Variants in TRDN observed in about 807,000 individuals in gnomAD.
The protein encoded by TRDN is triadin in skeletal muscle.
Under a neutral mutation model 149.7 loss-of-function variants are expected in TRDN, and 161 were observed. The observed-to-expected ratio is 1.08, with a 90% confidence interval of 0.95 to 1.23. The LOEUF (loss-of-function observed/expected upper bound fraction) is 1.23. TRDN is among the 50% of genes most tolerant of loss of function. The pLI is 0.00. For missense variants in TRDN, 896 were observed against 823.5 expected, an observed-to-expected ratio of 1.09 and a Z score of -1.08; for synonymous variants, 294 against 250.5, an observed-to-expected ratio of 1.17 and a Z score of -1.64.
intron 24 of TRDN, among the ~76,000 whole-genome samples, chr6:123,292,509 G>T (rs72974603): frequency 4.6e-5 from 7 of 152,228 alleles, no homozygotes; most frequent in Non-Finnish European, 8.8e-5. Flanking sequence ...GGTTCAAAAG[G>T]CTTTCCACTA....
intron 2 of TRDN, among the ~76,000 whole-genome samples, chr6:123,560,311 A>C (rs1781916579): frequency 6.6e-6 from 1 of 152,056 alleles, no homozygotes; most frequent in Non-Finnish European, 1.5e-5. Context: ...TCACTCTTAC[A>C]AAGGGGCTAC....
chr6:123,491,840 G>A (rs573528681), intron 9 of TRDN, among the ~76,000 whole-genome samples: 2 of 152,232 alleles, frequency 1.3e-5, no homozygotes, highest in South Asian at 2.1e-4. Context: ...CCTTGGAGCA[G>A]GATTTTTTTC....
At chr6:123,424,517 T>C (rs1430897725) in intron 12 of TRDN, among the ~76,000 whole-genome samples, 1 of 152,148 alleles carries the variant, frequency 6.6e-6, no homozygotes, top group Non-Finnish European at 1.5e-5. Flanking sequence ...AAATATTTCA[T>C]ACGCTAATTG....
chr6:123,231,438 T>C (rs1046715025), intron 38 of TRDN, among the ~76,000 whole-genome samples: 13 of 151,992 alleles, frequency 8.6e-5, no homozygotes, highest in Non-Finnish European at 4.4e-5. Flanking sequence ...CAAAGAATTG[T>C]TCAGGAAAAG....
chr6:123,396,521 G>GT (rs1338693056), intron 12 of TRDN, among the ~76,000 whole-genome samples: 6 of 152,160 alleles, frequency 3.9e-5, no homozygotes, highest in Non-Finnish European at 8.8e-5. Flanking sequence ...TTGATAAATA[G>GT]TATTTTGGAC....
intron 18 of TRDN, among the ~76,000 whole-genome samples, chr6:123,376,761 G>A (rs1248705123): frequency 2.0e-5 from 3 of 152,112 alleles, no homozygotes; most frequent in East Asian, 1.9e-4. Flanking sequence ...GTGGTAGGGT[G>A]AGACTACAGT....
At chr6:123,563,953 A>T (rs988071081) in intron 2 of TRDN, among the ~76,000 whole-genome samples, 13 of 152,224 alleles carry the variant, frequency 8.5e-5, no homozygotes, top group African/African-American at 2.9e-4. Flanking sequence ...AAACAACAAT[A>T]AAAACAATAT....
At chr6:123,360,720 G>GGAGAGAGAGA (rs71541228) in intron 20 of TRDN, among the ~76,000 whole-genome samples, 12 of 143,090 alleles carry the variant, frequency 8.4e-5, no homozygotes, top group African/African-American at 3.4e-4. Flanking sequence ...AGAGAGAGAC[G>GGAGAGAGAGA]GAGAGAGAGA....
At chr6:123,338,005 A>G (rs1175607129) in intron 21 of TRDN, among the ~76,000 whole-genome samples, 1 of 152,064 alleles carries the variant, frequency 6.6e-6, no homozygotes, top group Non-Finnish European at 1.5e-5. Context: ...ATTCTCTACC[A>G]TTTTCTCATT....
chr6:123,323,653 C>G (rs1429938916), intron 23 of TRDN, among the ~76,000 whole-genome samples: 1 of 152,196 alleles, frequency 6.6e-6, no homozygotes, highest in Non-Finnish European at 1.5e-5. Flanking sequence ...AAAAACTTTG[C>G]TGAGTGGACA....
chr6:123,570,490 C>G (rs1306636428), intron 2 of TRDN, among the ~76,000 whole-genome samples: 1 of 152,174 alleles, frequency 6.6e-6, no homozygotes, highest in Non-Finnish European at 1.5e-5. Flanking sequence ...GACCAGATGA[C>G]AGCAGGGCTT....
At chr6:123,578,166 G>T (rs1583275576) in intron 1 of TRDN, among the ~76,000 whole-genome samples, 1 of 152,102 alleles carries the variant, frequency 6.6e-6, no homozygotes, top group Non-Finnish European at 1.5e-5. Context: ...TTTTACCTTT[G>T]TTGCTATTGC....
At chr6:123,437,861 A>T (rs528938498) in intron 12 of TRDN, among the ~76,000 whole-genome samples, 52 of 152,238 alleles carry the variant, frequency 3.4e-4, no homozygotes, top group African/African-American at 1.1e-3. Context: ...ACTCAATTCC[A>T]GTCTCTCTGT....
At chr6:123,478,931 G>C (rs1777621572) in intron 9 of TRDN, among the ~76,000 whole-genome samples, 1 of 151,994 alleles carries the variant, frequency 6.6e-6, no homozygotes, top group South Asian at 2.1e-4. Flanking sequence ...TTATTTACAA[G>C]TTTGTTTGTT....
chr6:123,418,658 A>G (rs985125563), intron 12 of TRDN: 2 of 151,746 alleles, frequency 1.3e-5, no homozygotes, highest in Non-Finnish European at 2.9e-5. Flanking sequence ...TTTGCAAGGT[A>G]CTCTTTCCTC....
intron 7 of TRDN, among the ~76,000 whole-genome samples, chr6:123,509,042 AC>A (rs138281774): frequency 1.8e-3 from 272 of 152,252 alleles, no homozygotes; most frequent in African/African-American, 6.4e-3. Flanking sequence ...ACACATATAC[AC>A]ATACATATAT....
At chr6:123,252,226 A>G (rs934904529) in intron 38 of TRDN, among the ~76,000 whole-genome samples, 186 bp downstream of exon 38, 4 of 152,072 alleles carry the variant, frequency 2.6e-5, no homozygotes, top group Non-Finnish European at 5.9e-5. Context: ...TGTAATTTCA[A>G]ATAACATAGT....
intron 20 of TRDN, among the ~76,000 whole-genome samples, chr6:123,354,815 A>C (rs1311613636): frequency 6.6e-6 from 1 of 151,752 alleles, no homozygotes; most frequent in Non-Finnish European, 1.5e-5. Flanking sequence ...AGGCACCAGC[A>C]ATAGGACTCT....
chr6:123,260,995 T>A (rs1049509431), intron 33 of TRDN, among the ~76,000 whole-genome samples: 1 of 151,790 alleles, frequency 6.6e-6, no homozygotes, highest in Non-Finnish European at 1.5e-5. Flanking sequence ...AACTAAAATA[T>A]TAGAATTTTT....
Sources: gnomAD v4.1 joint callset for allele counts (sites outside exome capture counted in the v4.1 genomes callset) on GRCh38, gnomAD v4.1.1 for gene constraint, MANE v1.5 for transcripts, NCBI Gene and HGNC (gene_info 2026-07-23, HGNC 2026-07-21) for gene names.